Variants in ARMH4 observed in about 807,000 individuals in gnomAD.
The protein encoded by ARMH4 is armadillo like helical domain containing 4, also known as armadillo-like helical domain-containing protein 4.
In ARMH4, 49 loss-of-function variants were observed where a neutral mutation model predicts 61.9. That is an observed-to-expected ratio of 0.79 (90% CI 0.63 to 1.00). The LOEUF (loss-of-function observed/expected upper bound fraction) is 1.00. ARMH4 is among the 50% of genes least tolerant of loss of function. The pLI, the probability that ARMH4 is intolerant of heterozygous loss-of-function variation, is 0.00. For missense variants in ARMH4, 934 were observed against 930.0 expected (o/e 1.00, Z -0.06); for synonymous variants, 368 against 341.5 (o/e 1.08, Z -0.85).
intron 5 of ARMH4, among the ~76,000 whole-genome samples, chr14:58,050,923 C>T (rs994121158): frequency 7.9e-5 from 12 of 151,944 alleles, no homozygotes. Flanking sequence ...ATGGTATCAA[C>T]AGTATGTGAC....
rs759142103 is a variant in ARMH4 at position 58,096,839 on chromosome 14, G to C, written c.1974C>G (p.Leu658=). 1.2e-6 allele frequency: 2 copies of C among 1,614,140 alleles called. No individual in the cohort carries two copies. The highest frequency in any genetic ancestry group is 1.1e-5 in the South Asian group (1 of 91,078). The change falls in exon 5 of 8, where the codon CTC becomes CTG. Residue 658 remains leucine (L), a synonymous_variant. Coordinates refer to ENST00000267485, the MANE Select transcript of ARMH4 (RefSeq NM_001001872.4). ...CTGGTTCCTGGGATGTGATACCAGG[G>C]AGGGTAAAACCTGGCAGCTCAGTGT... ...DGDTELPGFT[L]PGITSQEPGL... is the part of the protein sequence containing the mutation.
intron 5 of ARMH4, among the ~76,000 whole-genome samples, chr14:58,056,536 G>T (rs1884354649): frequency 6.6e-6 from 1 of 152,224 alleles, no homozygotes; most frequent in South Asian, 2.1e-4. Context: ...TTGAGACAAG[G>T]TGATCAGTGA....
chr14:58,137,364 C>G (rs1040089700), intron 2 of ARMH4, among the ~76,000 whole-genome samples: 3 of 152,088 alleles, frequency 2.0e-5, no homozygotes, highest in Admixed American at 6.5e-5. Flanking sequence ...GAACACTGGT[C>G]TATAGGCAGG....
chr14:58,013,411 C>T (rs938725787), intron 5 of ARMH4, among the ~76,000 whole-genome samples: 4 of 105,116 alleles, frequency 3.8e-5, no homozygotes, highest in Non-Finnish European at 6.9e-5. Context: ...AAAAAGCATT[C>T]GCATTCTTTG....
chr14:58,086,868 C>T (rs552119432), intron 5 of ARMH4, among the ~76,000 whole-genome samples: 6 of 152,140 alleles, frequency 3.9e-5, no homozygotes, highest in Admixed American at 3.3e-4. Flanking sequence ...GGTGTAGACA[C>T]ATGGAAAGGG....
chr14:58,105,316 G>A (rs1302879850), intron 4 of ARMH4, among the ~76,000 whole-genome samples: 1 of 152,100 alleles, frequency 6.6e-6, no homozygotes, highest in Non-Finnish European at 1.5e-5. Context: ...AATAAGAATG[G>A]GGTCAAGGTA....
chr14:58,012,006 T>C (rs889322524), intron 6 of ARMH4, 113 bp downstream of exon 6: 9 of 757,732 alleles, frequency 1.2e-5, no homozygotes, highest in African/African-American at 3.7e-5. Context: ...AATCTTTAGA[T>C]AGATTACCAG....
At chr14:58,011,475 C>T (rs1346798252) in intron 6 of ARMH4, among the ~76,000 whole-genome samples, 1 of 151,990 alleles carries the variant, frequency 6.6e-6, no homozygotes, top group Non-Finnish European at 1.5e-5. Flanking sequence ...ATAATGGGAC[C>T]TGACACTGGC....
At chr14:58,110,721 GA>G (rs1594762922) in intron 4 of ARMH4, among the ~76,000 whole-genome samples, 2 of 151,778 alleles carry the variant, frequency 1.3e-5, no homozygotes, top group African/African-American at 4.8e-5. Flanking sequence ...AATTTGTTGA[GA>G]TTTTTTTTTT....
chr14:58,115,914 G>T (rs914314586), intron 4 of ARMH4, among the ~76,000 whole-genome samples: 9 of 152,134 alleles, frequency 5.9e-5, no homozygotes, highest in Non-Finnish European at 1.0e-4. Context: ...CTTGAGGGTG[G>T]AGGGTGGAAG....
intron 1 of ARMH4, among the ~76,000 whole-genome samples, chr14:58,144,827 C>T (rs1887685180): frequency 6.6e-6 from 1 of 151,994 alleles, no homozygotes; most frequent in African/African-American, 2.4e-5. Flanking sequence ...AAGATCGCAC[C>T]ACTGCACTCC....
At chr14:58,065,771 A>C (rs1382861629) in intron 5 of ARMH4, among the ~76,000 whole-genome samples, 1 of 152,246 alleles carries the variant, frequency 6.6e-6, no homozygotes, top group African/African-American at 2.4e-5. Flanking sequence ...TAACTGTTAC[A>C]TAAGATTGCA....
intron 1 of ARMH4, among the ~76,000 whole-genome samples, chr14:58,142,607 G>A (rs961538846): frequency 6.6e-6 from 1 of 151,966 alleles, no homozygotes; most frequent in African/African-American, 2.4e-5. Flanking sequence ...GAGTAGCTGG[G>A]ACTACAGGCG....
chr14:58,005,719 G>A (rs1675132257), intron 6 of ARMH4, among the ~76,000 whole-genome samples: 2 of 152,128 alleles, frequency 1.3e-5, no homozygotes, highest in Admixed American at 1.3e-4. Context: ...AATGCTTGTG[G>A]GTAAAAGGGG....
chr14:58,031,930 C>T (rs1402608818), intron 5 of ARMH4, among the ~76,000 whole-genome samples: 1 of 152,134 alleles, frequency 6.6e-6, no homozygotes, highest in Non-Finnish European at 1.5e-5. Context: ...TACTTAAAAC[C>T]CCTTCCAAGC....
intron 4 of ARMH4, among the ~76,000 whole-genome samples, chr14:58,119,401 T>C (rs1229363026): frequency 1.3e-5 from 2 of 152,242 alleles, no homozygotes; most frequent in Non-Finnish European, 2.9e-5. Context: ...AATCAAAGAA[T>C]ACTTACATAT....
intron 5 of ARMH4, among the ~76,000 whole-genome samples, chr14:58,092,049 G>C (rs557553521): frequency 9.3e-4 from 141 of 152,344 alleles, no homozygotes; most frequent in Non-Finnish European, 1.6e-3. Flanking sequence ...AGTCATCTAT[G>C]TTCCTGCTCT....
chr14:58,116,763 T>G (rs1425859178), intron 4 of ARMH4, among the ~76,000 whole-genome samples: 1 of 152,196 alleles, frequency 6.6e-6, no homozygotes, highest in Non-Finnish European at 1.5e-5. Context: ...ACAATGGCAT[T>G]GCCTATATCT....
chr14:58,093,227 T>A (rs555727896), intron 5 of ARMH4, among the ~76,000 whole-genome samples: 5 of 152,180 alleles, frequency 3.3e-5, no homozygotes, highest in African/African-American at 1.2e-4. Flanking sequence ...CTTTCCTTTA[T>A]AAATTACCCA....
Sources: allele counts gnomAD v4.1 joint callset (sites outside exome capture counted in the v4.1 genomes callset), GRCh38; gene constraint gnomAD v4.1.1; transcripts MANE v1.5; gene names NCBI Gene and HGNC (gene_info 2026-07-23, HGNC 2026-07-21).